The following ZNF695 variants were observed in gnomAD, a reference collection of about 807,000 sequenced individuals.
ZNF695 encodes zinc finger protein SBZF3.
A neutral mutation model predicts 11.2 loss-of-function variants in ZNF695; 11 were observed. The ratio of observed to expected loss-of-function variants is 0.98; its 90% CI spans 0.62 to 1.62. The LOEUF (loss-of-function observed/expected upper bound fraction) is 1.62. Among genes scored for constraint, ZNF695 ranks in the 40% most tolerant of loss-of-function variants. The pLI is 0.00. For missense variants in ZNF695, 559 were observed against 590.5 expected (o/e 0.95, Z 0.55); for synonymous variants, 190 against 201.4 (o/e 0.94, Z 0.48).
At chr1:247,006,424 A>G (rs1019271575) in intron 1 of ZNF695, among the ~76,000 whole-genome samples, 2 of 152,268 alleles carry the variant, frequency 1.3e-5, no homozygotes, top group East Asian at 3.9e-4. Flanking sequence ...CAGCCTGGCC[A>G]ACATAATGAA....
intron 5 of ZNF695, among the ~76,000 whole-genome samples, chr1:246,958,098 G>A (rs1443306904): frequency 8.6e-5 from 13 of 150,438 alleles, no homozygotes; most frequent in Admixed American, 1.3e-4. Flanking sequence ...TTGCTCTGTC[G>A]CCCAGGCTGG....
chr1:246,954,339 G>A (rs1480138290), intron 5 of ZNF695, among the ~76,000 whole-genome samples: 1 of 152,196 alleles, frequency 6.6e-6, no homozygotes, highest in Admixed American at 6.5e-5. Context: ...AACAGGCAAT[G>A]CCTGCCAGCT....
In ZNF695 at chr1:246,956,239, C is replaced by T. The variant is rs535223718; in HGVS notation, c.489-10412G>A. 9.2e-5 allele frequency among the ~76,000 whole-genome samples: 14 copies of T among 151,494 alleles called. No individual in the cohort carries two copies. In the East Asian group the frequency reaches 2.4e-3, roughly 26 times the overall value. On this transcript the variant is annotated intron_variant, in intron 5 of 5. Transcript: ENST00000487338. ...TCCTGACCTCGTGATCGACCAGCCT[C>T]GGCCTCCCAAAGTGCTGGGATTACA...
At chr1:246,956,256 G>A (rs1031587007) in intron 5 of ZNF695, among the ~76,000 whole-genome samples, 1 of 151,094 alleles carries the variant, frequency 6.6e-6, no homozygotes, top group Non-Finnish European at 1.5e-5. Context: ...CCAAAGTGCT[G>A]GGATTACAAG....
Position 246,986,973 on chromosome 1 carries a change from A to G in ZNF695, c.1542T>C (p.His514=). The change falls in exon 4 of 4, where the codon CAT becomes CAC. Residue 514 remains histidine, a synonymous_variant. Transcript: ENST00000339986. The stretch of plus-strand genomic sequence containing the variant: ...TAGAATTGTAGGGTTTTTCTCAGGT[A>G]TGAGTTTTCTCATGTACAGCAAGTT... ...SAQLAVHEKT[H]T 6.4e-7 allele frequency: 1 copy of G among 1,571,188 alleles called. No homozygotes were observed.
intron 4 of ZNF695, among the ~76,000 whole-genome samples, chr1:246,975,174 C>G (rs1668525798): frequency 6.6e-6 from 1 of 152,152 alleles, no homozygotes; most frequent in Non-Finnish European, 1.5e-5. Flanking sequence ...TATTGTCATT[C>G]ACCATATAAA....
chr1:246,953,204 T>C (rs759699893), intron 5 of ZNF695, among the ~76,000 whole-genome samples: 5 of 152,188 alleles, frequency 3.3e-5, no homozygotes, highest in African/African-American at 1.2e-4. Flanking sequence ...TTTAAATAAT[T>C]AACATGACAT....
In ZNF695 at chr1:246,976,609, A is replaced by G. The variant is rs547961750; in HGVS notation, c.391-8817T>C. Among the ~76,000 whole-genome samples, 15 of 151,732 alleles carry G rather than the reference A, an allele frequency of 9.9e-5. 1 individual carries two copies. In the South Asian group the frequency reaches 2.9e-3, roughly 30 times the overall value. ...GGAGATCGAGACCATCCTGGCTAAC[A>G]CGGTGAAACCCCGTCTCTACTAAAA... On this transcript the variant is annotated intron_variant, in intron 4 of 5. Coordinates refer to the ZNF695 transcript ENST00000487338.
intron 3 of ZNF695, chr1:246,996,168 A>G (rs531819411): frequency 2.8e-6 from 1 of 359,992 alleles, no homozygotes; most frequent in East Asian, 1.1e-4. Flanking sequence ...CAACATGGCG[A>G]AACCTCGTCT....
intron 1 of ZNF695, among the ~76,000 whole-genome samples, chr1:247,003,891 A>G (rs1414326729): frequency 6.6e-6 from 1 of 152,224 alleles, no homozygotes; most frequent in Non-Finnish European, 1.5e-5. Flanking sequence ...GTGTATTCAT[A>G]AATTCTTAGT....
Position 246,987,673 on chromosome 1 carries a change from G to A in ZNF695, c.842C>T (p.Ser281Leu). Reference sequence around the variant, plus strand: ...AATTTTCTTATGTTTAGTAAGAACTGAGCACAGGTTAAAAGCTTTGCCACA... The same window carrying A: ...AATTTTCTTATGTTTAGTAAGAACTAAGCACAGGTTAAAAGCTTTGCCACA... ...EECGKAFNLC[S>L]VLTKHKKIHT... Residue 281 changes from serine to leucine, a missense_variant, in exon 4 of 4, where the codon TCA becomes TTA. Physicochemically the swap from Ser to Leu is moderately radical, Grantham distance 145. Transcript: ENST00000339986. 1.3e-6 allele frequency: 2 copies of A among 1,599,186 alleles called. No individual in the cohort carries two copies. Among genetic ancestry groups the A allele is most frequent in the Non-Finnish European group, 1.7e-6 (2 of 1,174,730 alleles).
At chr1:246,947,204 T>TG (rs1157836844) in intron 5 of ZNF695, among the ~76,000 whole-genome samples, 2 of 67,340 alleles carry the variant, frequency 3.0e-5, no homozygotes, top group Admixed American at 1.8e-4. Context: ...TTTGGGGGGG[T>TG]GGTTTTTTTT....
At chr1:246,973,730 T>C (rs1449284199) in intron 4 of ZNF695, among the ~76,000 whole-genome samples, 1 of 152,204 alleles carries the variant, frequency 6.6e-6, no homozygotes, top group African/African-American at 2.4e-5. Context: ...CTTTTATAGA[T>C]GAGAAAAGCG....
chr1:247,006,410 A>C (rs1669540730), intron 1 of ZNF695, among the ~76,000 whole-genome samples: 1 of 152,124 alleles, frequency 6.6e-6, no homozygotes, highest in Non-Finnish European at 1.5e-5. Flanking sequence ...CAGGAGTTCG[A>C]GGGCAGCCTG....
At chr1:246,968,627 T>C (rs1668347359) in intron 4 of ZNF695, 1 of 152,222 alleles carries the variant, frequency 6.6e-6, no homozygotes, top group African/African-American at 2.4e-5. Context: ...CTAGTAGAGG[T>C]TCTCCACAAG....
intron 3 of ZNF695, among the ~76,000 whole-genome samples, chr1:246,995,827 A>G (rs1669189766): frequency 1.3e-5 from 2 of 151,588 alleles, no homozygotes; most frequent in Admixed American, 6.6e-5. Context: ...AAAAAAAAAA[A>G]AAAAAAAAAA....
intron 1 of ZNF695, 148 bp from the exon 2 acceptor site, chr1:247,000,222 C>T (rs1669323870): frequency 1.1e-5 from 8 of 732,212 alleles, no homozygotes; most frequent in Non-Finnish European, 1.7e-5. Context: ...GAAATATACT[C>T]TAGGCCGGGC....
intron 5 of ZNF695, among the ~76,000 whole-genome samples, chr1:246,952,485 A>G (rs1449897625): frequency 1.3e-5 from 2 of 152,022 alleles, no homozygotes; most frequent in African/African-American, 4.8e-5. Flanking sequence ...AGCACATATT[A>G]GGTATTCAAT....
At position 246,959,575 on chromosome 1, in the gene ZNF695, C is replaced by T. The variant is rs546798247; in HGVS notation, c.488+8120G>A. 6.6e-5 allele frequency among the ~76,000 whole-genome samples: 10 copies of T among 151,230 alleles called. No homozygotes were observed. In the South Asian group the frequency reaches 1.3e-3, roughly 19 times the overall value. On this transcript the variant is annotated intron_variant, in intron 5 of 5. Coordinates refer to the ZNF695 transcript ENST00000487338. ...CCAAGTAGCTGGGACTACAGGCGAG[C>T]GCCACCATACCCGGCTAATTTTTGT...
Sources: allele counts gnomAD v4.1 joint callset (sites outside exome capture counted in the v4.1 genomes callset), GRCh38; gene constraint gnomAD v4.1.1; transcripts MANE v1.5; gene names NCBI Gene and HGNC (gene_info 2026-07-23, HGNC 2026-07-21).